The following ZNF550 variants were observed in gnomAD, a reference collection of about 807,000 sequenced individuals.
ZNF550 encodes zinc finger protein 550.
ZNF550 carries 42 observed loss-of-function variants against 40.2 expected under a neutral mutation model. The observed-to-expected ratio is 1.05, with a 90% CI of 0.82 to 1.35. The LOEUF (loss-of-function observed/expected upper bound fraction) is 1.35, where lower values mean the gene tolerates loss of function less well. Ranked by LOEUF, ZNF550 falls within the 40% of genes most tolerant of loss-of-function variation. The probability of loss-of-function intolerance (pLI) is 0.00; values close to 1 mark genes in which losing one functional copy is unlikely to be tolerated. For missense variants in ZNF550, 549 were observed against 525.2 expected, an observed-to-expected ratio of 1.05 and a Z score of -0.44; for synonymous variants, 223 against 198.6, an observed-to-expected ratio of 1.12 and a Z score of -1.03.
intron 3 of ZNF550, among the ~76,000 whole-genome samples, chr19:57,551,449 G>A (rs1274303682): frequency 6.6e-6 from 1 of 151,168 alleles, no homozygotes; most frequent in Non-Finnish European, 1.5e-5. Context: ...GGAGCCAAGG[G>A]AAGCAGTGGA....
chr19:57,544,797 TAAAAG>T (rs1195365790), intron 4 of ZNF550, among the ~76,000 whole-genome samples: 2 of 152,298 alleles, frequency 1.3e-5, no homozygotes, highest in Non-Finnish European at 2.9e-5. Context: ...GCTTGAAAAC[TAAAAG>T]AAAATCTCAC....
At chr19:57,547,803 G>C in exon 4 of ZNF550, 1 of 1,614,110 alleles carries the variant, frequency 6.2e-7, no homozygotes, top group Non-Finnish European at 8.5e-7. Context: ...GGGTCTCCTT[G>C]TGGAGGTCTG....
At chr19:57,548,204 G>A (rs779332480) in intron 3 of ZNF550, among the ~76,000 whole-genome samples, 17 of 152,248 alleles carry the variant, frequency 1.1e-4, no homozygotes, top group East Asian at 5.8e-4. Context: ...AGGCTGGACC[G>A]GGGGACAGAG....
exon 4 of ZNF550, chr19:57,547,744 C>T (rs763666781): frequency 1.2e-6 from 2 of 1,614,152 alleles, no homozygotes; most frequent in Non-Finnish European, 1.7e-6. Context: ...GGAGTGCAGA[C>T]CATCATCTGT....
At chr19:57,548,379 G>GA (rs1354326784) in intron 3 of ZNF550, among the ~76,000 whole-genome samples, 7 of 152,014 alleles carry the variant, frequency 4.6e-5, no homozygotes, top group South Asian at 2.1e-4. Context: ...CACTCTATAG[G>GA]AAAAAATCTA....
intron 4 of ZNF550, chr19:57,543,335 C>T: frequency 3.1e-6 from 1 of 325,156 alleles, no homozygotes; most frequent in South Asian, 1.3e-4. Context: ...TACCCCATCC[C>T]TTCCCTCCCT....
At chr19:57,547,147 G>C (rs747167283) in exon 4 of ZNF550, 4 of 1,611,526 alleles carry the variant, frequency 2.5e-6, no homozygotes, top group Non-Finnish European at 3.4e-6. Context: ...CTTCTCCCCA[G>C]TGTGAATCCG....
At chr19:57,557,461 C>A (rs145640083) in intron 1 of ZNF550, 4 of 152,146 alleles carry the variant, frequency 2.6e-5, no homozygotes, top group African/African-American at 7.2e-5. Context: ...ACCCTCTCCC[C>A]ACTCATTACC....
chr19:57,549,480 C>T (rs2090053721), intron 3 of ZNF550, among the ~76,000 whole-genome samples: 1 of 152,080 alleles, frequency 6.6e-6, no homozygotes, highest in Non-Finnish European at 1.5e-5. Flanking sequence ...TAAATGAAGC[C>T]TTTTGGTGCT....
intron 2 of ZNF550, chr19:57,555,513 A>G (rs2090112042): frequency 6.6e-6 from 1 of 152,546 alleles, no homozygotes; most frequent in East Asian, 1.9e-4. Flanking sequence ...TAATTTTTGT[A>G]TTTTTAGTAC....
At position 57,547,611 on chromosome 19, in the gene ZNF550, AC is replaced by A; in HGVS notation, c.632del (p.Gly211ValfsTer18). On this transcript the variant is annotated frameshift_variant, in exon 4 of 5. Transcript: ENST00000457177. LOFTEE classifies it high-confidence loss of function. ...GAACGAGATACCACTTCCTGTTAAA[AC>A]CTTTCCCACACTGCTTGCATTTGTA... The A allele has an allele frequency of 6.2e-7, 1 of 1,613,718 alleles. No homozygotes were observed. Among genetic ancestry groups the A allele is most frequent in the Non-Finnish European group, 8.5e-7 (1 of 1,179,942 alleles).
At chr19:57,558,450 T>G (rs568814537) in intron 1 of ZNF550, among the ~76,000 whole-genome samples, 6 of 152,292 alleles carry the variant, frequency 3.9e-5, no homozygotes, top group African/African-American at 1.4e-4. Flanking sequence ...GAGAGGCCTA[T>G]TCAATCATCA....
At chr19:57,550,287 T>A (rs962372681) in intron 3 of ZNF550, among the ~76,000 whole-genome samples, 1 of 152,216 alleles carries the variant, frequency 6.6e-6, no homozygotes, top group African/African-American at 2.4e-5. Context: ...TGAGCACAGA[T>A]CTGTCTCTTG....
exon 5 of ZNF550, chr19:57,542,180 C>T (rs1185508470): frequency 2.0e-5 from 3 of 151,610 alleles, no homozygotes; most frequent in Non-Finnish European, 2.9e-5. Flanking sequence ...TCACTTTAAA[C>T]TTCTAAAGTA....
exon 2 of ZNF550, chr19:57,556,273 G>T: frequency 1.2e-6 from 2 of 1,614,088 alleles, no homozygotes; most frequent in Non-Finnish European, 1.7e-6. Context: ...ATCACCTCTC[G>T]GTACAGGGTC....
At chr19:57,547,241 T>C (rs1042631613) in exon 4 of ZNF550, 3 of 1,613,902 alleles carry the variant, frequency 1.9e-6, no homozygotes, top group South Asian at 1.1e-5. Context: ...GTGTGGATGA[T>C]GTAATGTTGA....
At chr19:57,550,897 C>T (rs946347666) in intron 3 of ZNF550, among the ~76,000 whole-genome samples, 2 of 152,178 alleles carry the variant, frequency 1.3e-5, no homozygotes, top group Non-Finnish European at 2.9e-5. Context: ...GTGGGGTCAA[C>T]ACAAGTTACA....
chr19:57,557,146 C>G (rs952274036), intron 1 of ZNF550: 1 of 151,576 alleles, frequency 6.6e-6, no homozygotes, highest in African/African-American at 2.4e-5. Flanking sequence ...TCTGTGCTGA[C>G]GAGGATTCAT....
intron 2 of ZNF550, 182 bp from the exon 3 acceptor site, chr19:57,552,904 A>T: frequency 3.5e-6 from 2 of 567,274 alleles, no homozygotes; most frequent in Non-Finnish European, 6.3e-6. Context: ...GTTCCCCATA[A>T]AAATCATATG....
Sources: allele counts gnomAD v4.1 joint callset (sites outside exome capture counted in the v4.1 genomes callset), GRCh38; gene constraint gnomAD v4.1.1; transcripts MANE v1.5; gene names NCBI Gene and HGNC (gene_info 2026-07-23, HGNC 2026-07-21).